Variants in CDH13 observed in about 807,000 individuals in gnomAD.
CDH13 encodes the protein cadherin 13, also known as cadherin-13.
CDH13 carries 24 observed loss-of-function variants against 63.8 expected under a neutral mutation model. The observed-to-expected ratio is 0.38, with a 90% CI of 0.27 to 0.53. The LOEUF is 0.53. Among genes scored for constraint, CDH13 ranks in the 20% least tolerant of loss-of-function variants. The probability of loss-of-function intolerance (pLI) is 0.85; values close to 1 mark genes in which losing one functional copy is unlikely to be tolerated. For missense variants in CDH13, 1,049 were observed against 903.1 expected (o/e 1.16, Z -2.07); for synonymous variants, 503 against 355.3 (o/e 1.42, Z -4.67).
At chr16:83,503,209 G>T (rs66933610) in intron 7 of CDH13, among the ~76,000 whole-genome samples, 46,327 of 152,132 alleles carry the variant, frequency 0.3, 7,143 homozygotes, top group Middle Eastern at 0.38. Flanking sequence ...AAACTAAGAA[G>T]TGGTGAATTG....
intron 1 of CDH13, among the ~76,000 whole-genome samples, chr16:82,636,895 G>C (rs1193454280): frequency 6.6e-6 from 1 of 152,152 alleles, no homozygotes; most frequent in East Asian, 1.9e-4. Context: ...CTTGCTACCT[G>C]ATACTAACTG....
At position 83,000,223 on chromosome 16, in the gene CDH13, ATTTTTTTTTTTTTTTTTTTTTTTTT is replaced by A. The variant is rs746904500; in HGVS notation, c.158-31770_158-31746del. On this transcript the variant is annotated intron_variant, in intron 2 of 13. Coordinates refer to ENST00000567109, the MANE Select transcript of CDH13 (RefSeq NM_001257.5). ...CTAGGAATATCCACAGGTTTAGCTT[ATTTTTTTTTTTTTTTTTTTTTTTTT>A]TTTTTTTTTTTTTTTTGAGACAGAG... is the stretch of plus-strand genomic sequence containing the variant. Among the ~76,000 whole-genome samples the A allele has an allele frequency of 2.2e-4, 8 of 37,030 alleles. No homozygotes were observed. In the East Asian group the frequency reaches 7.0e-3, roughly 33 times the overall value. 24.3% of individuals were successfully genotyped at this position (37,030 alleles called of 152,430 possible).
chr16:82,762,144 C>T (rs1006693116), intron 1 of CDH13, among the ~76,000 whole-genome samples: 4 of 152,106 alleles, frequency 2.6e-5, no homozygotes, highest in Admixed American at 2.0e-4. Context: ...CCCTTCTTTT[C>T]CCCCAAGTGA....
intron 10 of CDH13, among the ~76,000 whole-genome samples, chr16:83,743,788 T>C (rs1240222805): frequency 2.5e-5 from 3 of 121,456 alleles, no homozygotes; most frequent in African/African-American, 6.0e-5. Flanking sequence ...TCCATCCCCA[T>C]GATTGTTCCA....
Position 83,455,202 on chromosome 16 carries a change from G to A in CDH13, c.782-31275G>A, listed in dbSNP as rs560549735. On this transcript the variant is annotated intron_variant, in intron 6 of 13. Transcript: ENST00000567109. ...ACGTATCTCTGACTTTCAGAGGGTG[G>A]ATTTTTCATCAGTGAACAATACAAC... Among the ~76,000 whole-genome samples, 3 of 152,310 alleles carry A rather than the reference G, an allele frequency of 2.0e-5. No homozygotes were observed. In the South Asian group the frequency reaches 6.2e-4, roughly 32 times the overall value.
chr16:83,058,567 C>G (rs915973220), intron 3 of CDH13, among the ~76,000 whole-genome samples: 6 of 152,312 alleles, frequency 3.9e-5, no homozygotes, highest in Non-Finnish European at 7.3e-5. Flanking sequence ...CTGGTGAGGG[C>G]TGGACTTTAG....
chr16:83,727,859 G>A (rs1182978841), intron 10 of CDH13, among the ~76,000 whole-genome samples: 1 of 152,130 alleles, frequency 6.6e-6, no homozygotes, highest in Non-Finnish European at 1.5e-5. Context: ...GGCGTTGGCG[G>A]GGAGGGCAGC....
chr16:83,514,895 T>A (rs779235949), intron 7 of CDH13, among the ~76,000 whole-genome samples: 6 of 152,148 alleles, frequency 3.9e-5, no homozygotes, highest in Non-Finnish European at 8.8e-5. Context: ...AGAGTAAATT[T>A]CTGTTGTTTT....
At chr16:83,583,618 C>T (rs1476345801) in intron 7 of CDH13, among the ~76,000 whole-genome samples, 2 of 152,174 alleles carry the variant, frequency 1.3e-5, no homozygotes, top group African/African-American at 2.4e-5. Flanking sequence ...GATGTGTGGG[C>T]ATCAAAGAGT....
At chr16:83,009,559 T>C (rs1913903373) in intron 2 of CDH13, among the ~76,000 whole-genome samples, 1 of 152,192 alleles carries the variant, frequency 6.6e-6, no homozygotes, top group Non-Finnish European at 1.5e-5. Context: ...CAAAGTCTCA[T>C]ATGGCTGAGT....
intron 4 of CDH13, among the ~76,000 whole-genome samples, chr16:83,196,151 G>A (rs1262120455): frequency 2.0e-5 from 3 of 152,154 alleles, no homozygotes. Context: ...AGCTACTCGG[G>A]AGGCTGAAGC....
intron 6 of CDH13, among the ~76,000 whole-genome samples, chr16:83,398,413 C>G (rs146601547): frequency 1.0e-3 from 158 of 152,274 alleles, no homozygotes; most frequent in African/African-American, 2.8e-3. Flanking sequence ...TCTTCTCTTT[C>G]TCAAATGTCC....
intron 1 of CDH13, among the ~76,000 whole-genome samples, chr16:82,739,440 C>G (rs1007225999): frequency 6.6e-6 from 1 of 152,154 alleles, no homozygotes; most frequent in Non-Finnish European, 1.5e-5. Flanking sequence ...AAATTTTCCT[C>G]ATGAAATATG....
chr16:83,150,878 T>C (rs1228875726), intron 4 of CDH13, among the ~76,000 whole-genome samples: 2 of 152,196 alleles, frequency 1.3e-5, no homozygotes, highest in East Asian at 1.9e-4. Context: ...CATTATAGCA[T>C]ACATTCTGTC....
intron 4 of CDH13, among the ~76,000 whole-genome samples, chr16:83,144,280 ACT>A (rs1343064141): frequency 6.6e-6 from 1 of 152,106 alleles, no homozygotes; most frequent in Non-Finnish European, 1.5e-5. Context: ...TGCGGTTGAC[ACT>A]CTTCCAAATA....
intron 11 of CDH13, among the ~76,000 whole-genome samples, chr16:83,764,216 A>C (rs1432059700): frequency 6.6e-6 from 1 of 152,148 alleles, no homozygotes; most frequent in African/African-American, 2.4e-5. Context: ...CGTGGTGGTG[A>C]TCTGAGCATT....
chr16:82,708,461 C>T (rs962877143), intron 1 of CDH13, among the ~76,000 whole-genome samples: 2 of 152,198 alleles, frequency 1.3e-5, no homozygotes, highest in Non-Finnish European at 2.9e-5. Flanking sequence ...CACTCTCCAT[C>T]TCTCACACTT....
At chr16:82,776,390 C>T (rs945252072) in intron 1 of CDH13, among the ~76,000 whole-genome samples, 5 of 152,134 alleles carry the variant, frequency 3.3e-5, no homozygotes, top group African/African-American at 1.2e-4. Flanking sequence ...AAACCCAGTG[C>T]AGAGTTGGTG....
chr16:82,640,646 C>T (rs180865365), intron 1 of CDH13, among the ~76,000 whole-genome samples: 1 of 152,292 alleles, frequency 6.6e-6, no homozygotes, highest in Admixed American at 6.5e-5. Context: ...ACCAGTTGGT[C>T]AAACTTGTTT....
Sources: gnomAD v4.1 joint callset for allele counts (sites outside exome capture counted in the v4.1 genomes callset) on GRCh38, gnomAD v4.1.1 for gene constraint, MANE v1.5 for transcripts, NCBI Gene and HGNC (gene_info 2026-07-23, HGNC 2026-07-21) for gene names.